Variants in TMEM8B observed in about 807,000 individuals in gnomAD.
TMEM8B encodes the protein nasopharyngeal carcinoma expressed 6.
Under a neutral mutation model 49.3 loss-of-function variants are expected in TMEM8B, and 29 were observed. The ratio of observed to expected loss-of-function variants is 0.59; its 90% confidence interval spans 0.44 to 0.80. The LOEUF (loss-of-function observed/expected upper bound fraction) is 0.80, where lower values mean the gene tolerates loss of function less well. TMEM8B is among the 30% of genes least tolerant of loss of function. The pLI is 0.00. For missense variants in TMEM8B, 575 were observed against 658.5 expected, an observed-to-expected ratio of 0.87 and a Z score of 1.39; for synonymous variants, 264 against 272.8, an observed-to-expected ratio of 0.97 and a Z score of 0.32.
Position 35,853,574 on chromosome 9 carries a change from C to T in TMEM8B, c.2509C>T (p.Pro837Ser). The stretch of plus-strand genomic sequence containing the variant: ...GCGCCGCTGGCTTTTCTACTTGTGC[C>T]CTGGCAGCCTTATTGCAGGCAGTGC... ...TWRRWLFYLC[P>S]GSLIAGSAVL... The change falls in exon 13 of 13, where the codon CCT becomes TCT. Residue 837 changes from proline to serine, a missense_variant. Pro to Ser is a moderately conservative substitution (Grantham distance 74). Coordinates refer to ENST00000643932, the MANE Select transcript of TMEM8B (RefSeq NM_001042590.4). The surrounding 1 kb of genome is among the most constrained non-coding windows in gnomAD (Gnocchi z 4.2). The T allele has an allele frequency of 1.2e-6, 2 of 1,614,244 alleles. No homozygotes were observed. The highest frequency in any genetic ancestry group is 2.2e-5 in the South Asian group (2 of 91,090).
chr9:35,861,811 C>G lies in TMEM8B; in HGVS notation c.*7971C>G, dbSNP rs974918592. On this transcript the variant is annotated 3_prime_UTR_variant, in exon 13 of 13. Transcript: ENST00000643932. Reference sequence around the variant, plus strand: ...ATCCATCATCAGCTACAGGTGCCTCCTCTATCTACAGGTTCCTGCTCCATC... The same window carrying G: ...ATCCATCATCAGCTACAGGTGCCTCGTCTATCTACAGGTTCCTGCTCCATC... 1 of 152,242 alleles carries G rather than the reference C, an allele frequency of 6.6e-6. No homozygotes were observed. 9.4% of individuals were successfully genotyped at this position (152,242 alleles called of 1,614,324 possible). A position where few individuals can be genotyped will look rare whatever the true frequency, so the allele number is the denominator to read the frequency against.
intron 3 of TMEM8B, among the ~76,000 whole-genome samples, chr9:35,838,075 T>G (rs1441408610): frequency 6.6e-6 from 1 of 152,232 alleles, no homozygotes; most frequent in Non-Finnish European, 1.5e-5. Context: ...ATCCACCGAC[T>G]AGGACCACAC....
In TMEM8B at chr9:35,857,076, T is replaced by G. The variant is rs1832564291; in HGVS notation, c.*3236T>G. The G allele has an allele frequency of 6.6e-6, 1 of 152,364 alleles. No homozygotes were observed. The highest frequency in any genetic ancestry group is 3.4e-3 in the Middle Eastern group (1 of 294). 9.4% of individuals were successfully genotyped at this position (152,364 alleles called of 1,614,324 possible). On this transcript the variant is annotated 3_prime_UTR_variant, in exon 13 of 13. Transcript: ENST00000643932. ...AGATATTGCTGTACCCTTGCATGTATCTGTACATACGACTGGACTGAGACC... is the reference window on the plus strand; with the variant it reads ...AGATATTGCTGTACCCTTGCATGTAGCTGTACATACGACTGGACTGAGACC...
At chr9:35,845,493 G>A in intron 6 of TMEM8B, 1 of 985,356 alleles carries the variant, frequency 1.0e-6, no homozygotes, top group Non-Finnish European at 1.2e-6. Flanking sequence ...AATCTCTTGG[G>A]CATTCTGTTA....
chr9:35,832,945 T>G (rs1038411713), intron 1 of TMEM8B, among the ~76,000 whole-genome samples: 2 of 152,170 alleles, frequency 1.3e-5, no homozygotes, highest in African/African-American at 4.8e-5. Flanking sequence ...CTCTCTGGGT[T>G]CCTAGGCAGT....
At chr9:35,846,425 C>CG in intron 8 of TMEM8B, 44 bp downstream of exon 8, 1 of 1,598,540 alleles carries the variant, frequency 6.3e-7, no homozygotes, top group Non-Finnish European at 8.5e-7. Flanking sequence ...CGGGACTTGG[C>CG]GGGGGTGGCC....
chr9:35,845,932 A>G, intron 6 of TMEM8B, 43 bp from the exon 7 acceptor site: 1 of 1,610,458 alleles, frequency 6.2e-7, no homozygotes, highest in Non-Finnish European at 8.5e-7. Flanking sequence ...GTGGGTGGAG[A>G]TGGAGGATGT....
intron 10 of TMEM8B, among the ~76,000 whole-genome samples, chr9:35,851,304 C>T (rs1180505916): frequency 6.6e-6 from 1 of 151,664 alleles, no homozygotes; most frequent in African/African-American, 2.4e-5. Context: ...CTACCGTGCC[C>T]AGCTAATTTT....
At chr9:35,844,160 A>G (rs1009497267) in intron 6 of TMEM8B, among the ~76,000 whole-genome samples, 12 of 152,252 alleles carry the variant, frequency 7.9e-5, no homozygotes, top group Non-Finnish European at 1.6e-4. Context: ...TTTGGTGCCA[A>G]TTCGCATCTT....
intron 1 of TMEM8B, among the ~76,000 whole-genome samples, chr9:35,833,498 G>C (rs1830121427): frequency 6.6e-6 from 1 of 152,082 alleles, no homozygotes; most frequent in African/African-American, 2.4e-5. Context: ...CCCTTGCCTG[G>C]CTAGCTGCTG....
rs749962825 is a variant in TMEM8B at position 35,845,986 on chromosome 9, C to T, written c.1647C>T (p.Arg549=). ...CCTGCCCTCCCCAGAGCTCCGTGCG[C>T]CAGGAAAACGTGACGGTGTTTGGAT... ...LELQLNASSV[R]QENVTVFGCL... Residue 549 remains arginine (R), a synonymous_variant, in exon 7 of 13, where the codon CGC becomes CGT. Coordinates refer to ENST00000643932, the MANE Select transcript of TMEM8B (RefSeq NM_001042590.4). 9.3e-6 allele frequency: 15 copies of T among 1,613,790 alleles called. No homozygotes were observed. In the South Asian group the frequency reaches 1.6e-4, roughly 18 times the overall value.
At chr9:35,836,430 A>G (rs979908222) in intron 3 of TMEM8B, among the ~76,000 whole-genome samples, 4 of 152,160 alleles carry the variant, frequency 2.6e-5, no homozygotes, top group Admixed American at 2.6e-4. Flanking sequence ...CTTTATCCCA[A>G]CTCTGATCCT....
chr9:35,840,833 G>A (rs1830912564), intron 3 of TMEM8B, among the ~76,000 whole-genome samples: 1 of 152,164 alleles, frequency 6.6e-6, no homozygotes. Context: ...AGGGGGAGGG[G>A]TTAGATTGGG....
chr9:35,838,116 A>C (rs1320475281), intron 3 of TMEM8B, among the ~76,000 whole-genome samples: 1 of 152,182 alleles, frequency 6.6e-6, no homozygotes, highest in African/African-American at 2.4e-5. Context: ...AGGTGGTTAG[A>C]ATCTGCTAAT....
intron 6 of TMEM8B, among the ~76,000 whole-genome samples, chr9:35,845,170 C>T (rs1410987537): frequency 2.0e-5 from 3 of 152,190 alleles, no homozygotes; most frequent in Non-Finnish European, 4.4e-5. Flanking sequence ...TGCTGTGATT[C>T]TCCAGAGACT....
chr9:35,829,339 G>A lies in TMEM8B; in HGVS notation c.-109G>A. The stretch of plus-strand genomic sequence containing the variant: ...ACCCAGGTCCCCGGCCCCCGCCCCG[G>A]GCCCGCGAGGACACCGGAGGCCACC... On this transcript the variant is annotated 5_prime_UTR_variant, in exon 1 of 13. Coordinates refer to ENST00000643932, the MANE Select transcript of TMEM8B (RefSeq NM_001042590.4). The A allele has an allele frequency of 2.7e-6, 1 of 372,924 alleles. No individual in the cohort carries two copies. The allele number at this position is 372,924 out of a possible 1,614,324, so 23.1% of individuals were successfully genotyped here.
Position 35,858,421 on chromosome 9 carries a change from T to C in TMEM8B, c.*4581T>C, listed in dbSNP as rs1247723307. On this transcript the variant is annotated 3_prime_UTR_variant, in exon 13 of 13. Transcript: ENST00000643932. ...TTGCCTTCCAAATCACATGCAAACT[T>C]CTCTGTGGCCAACCCTAACCCACAC... 1 of 152,258 alleles carries C rather than the reference T, an allele frequency of 6.6e-6. No individual in the cohort carries two copies. The highest frequency in any genetic ancestry group is 2.4e-5 in the African/African-American group (1 of 41,398). The allele number at this position is 152,258 out of a possible 1,614,324, so 9.4% of individuals were successfully genotyped here.
At position 35,853,699 on chromosome 9, in the gene TMEM8B, C is replaced by G. The variant is rs780557854; in HGVS notation, c.2634C>G (p.Pro878=). ...LIAGSVGFLL[P]PRAKTDHGVP... ...CGGGCAGTGTGGGCTTCCTGCTGCC[C>G]CCTCGTGCCAAGACTGACCACGGGG... Residue 878 remains proline, a synonymous_variant, in exon 13 of 13, where the codon CCC becomes CCG. Transcript: ENST00000643932. The surrounding 1 kb of genome is among the most constrained non-coding windows in gnomAD (Gnocchi z 4.2). 6.2e-7 allele frequency: 1 copy of G among 1,614,138 alleles called. No individual in the cohort carries two copies. Among genetic ancestry groups the G allele is most frequent in the Non-Finnish European group, 8.5e-7 (1 of 1,180,014 alleles).
At chr9:35,840,843 G>T (rs1830914271) in intron 3 of TMEM8B, among the ~76,000 whole-genome samples, 1 of 152,170 alleles carries the variant, frequency 6.6e-6, no homozygotes, top group Non-Finnish European at 1.5e-5. Flanking sequence ...GTTAGATTGG[G>T]AGAAGGGGCA....
Sources: allele counts gnomAD v4.1 joint callset (sites outside exome capture counted in the v4.1 genomes callset), GRCh38; gene constraint gnomAD v4.1.1; non-coding constraint Gnocchi (gnomAD v3.1); transcripts MANE v1.5; gene names NCBI Gene and HGNC (gene_info 2026-07-23, HGNC 2026-07-21).